HMBOX1: variants seen among roughly 807,000 people sequenced by gnomAD.
HMBOX1 encodes the protein homeobox-containing protein 1.
In HMBOX1, 14 loss-of-function variants were observed where a neutral mutation model predicts 54.5. The observed-to-expected ratio is 0.26, with a 90% CI of 0.17 to 0.40. HMBOX1 has a LOEUF of 0.40. HMBOX1 is among the 10% of genes least tolerant of loss of function. The pLI is 1.00. For missense variants in HMBOX1, 332 were observed against 514.4 expected, an observed-to-expected ratio of 0.65 and a Z score of 3.43; for synonymous variants, 160 against 181.0, an observed-to-expected ratio of 0.88 and a Z score of 0.93.
intron 4 of HMBOX1, among the ~76,000 whole-genome samples, chr8:28,987,207 A>G (rs1035144250): frequency 8.5e-5 from 13 of 152,162 alleles, no homozygotes; most frequent in Non-Finnish European, 1.6e-4. Context: ...TTAGGCACAG[A>G]TGTGGTTTTT....
At chr8:28,953,399 G>A (rs530337154) in intron 1 of HMBOX1, among the ~76,000 whole-genome samples, 1 of 152,176 alleles carries the variant, frequency 6.6e-6, no homozygotes, top group Admixed American at 6.5e-5. Flanking sequence ...TTCCTAAAAG[G>A]TAAACTTGTC....
intron 6 of HMBOX1, among the ~76,000 whole-genome samples, chr8:29,036,152 A>T (rs940636011): frequency 1.3e-5 from 2 of 152,218 alleles, no homozygotes; most frequent in Non-Finnish European, 2.9e-5. Context: ...AGTGGGGTCT[A>T]GTGGCAATTA....
chr8:28,973,576 C>G (rs1017590602), intron 3 of HMBOX1, among the ~76,000 whole-genome samples: 4 of 152,096 alleles, frequency 2.6e-5, no homozygotes, highest in African/African-American at 9.6e-5. Flanking sequence ...ATATACTGCC[C>G]TTGCTGATCA....
chr8:28,931,538 T>C (rs1298154374), intron 1 of HMBOX1, among the ~76,000 whole-genome samples: 1 of 152,152 alleles, frequency 6.6e-6, no homozygotes, highest in African/African-American at 2.4e-5. Flanking sequence ...ATACCTTATC[T>C]TGGTGGTGGT....
chr8:29,040,948 T>C (rs1477579137), intron 6 of HMBOX1, among the ~76,000 whole-genome samples: 1 of 152,176 alleles, frequency 6.6e-6, no homozygotes, highest in African/African-American at 2.4e-5. Flanking sequence ...AGAGATAGCA[T>C]GGCTTTATCT....
intron 6 of HMBOX1, among the ~76,000 whole-genome samples, chr8:29,033,027 C>A (rs1803257078): frequency 6.6e-6 from 1 of 152,064 alleles, no homozygotes; most frequent in Non-Finnish European, 1.5e-5. Flanking sequence ...AACATTATAT[C>A]ATTCTCATCC....
chr8:28,899,343 A>C (rs899581273), intron 1 of HMBOX1, among the ~76,000 whole-genome samples: 1 of 152,212 alleles, frequency 6.6e-6, no homozygotes, highest in African/African-American at 2.4e-5. Flanking sequence ...TCAAGTAGAC[A>C]TTCTTTTGTC....
chr8:28,896,390 A>AGGAGCAATAGGCTATACCACCTAGGC lies in HMBOX1; in HGVS notation c.-58+5712_-58+5713insGGAGCAATAGGCTATACCACCTAGGC, dbSNP rs1258063517. On this transcript the variant is annotated intron_variant, in intron 1 of 9. Transcript: ENST00000287701. ...ATGCCATTTTATCACAGGTGTGTAGATTGCATAATCACCACCAAAATCAAG... is the reference window on the plus strand; with the variant it reads ...ATGCCATTTTATCACAGGTGTGTAGAGGAGCAATAGGCTATACCACCTAGGCTTGCATAATCACCACCAAAATCAAG... 3.0e-4 allele frequency among the ~76,000 whole-genome samples: 38 copies of AGGAGCAATAGGCTATACCACCTAGGC among 124,632 alleles called. 1 individual carries two copies. Among genetic ancestry groups the AGGAGCAATAGGCTATACCACCTAGGC allele is most frequent in the Non-Finnish European group, 5.5e-4 (28 of 50,472 alleles). 81.8% of individuals were successfully genotyped at this position (124,632 alleles called of 152,430 possible).
At chr8:28,940,397 CTCTCCCACATTA>C (rs1821165196) in intron 1 of HMBOX1, among the ~76,000 whole-genome samples, 1 of 152,202 alleles carries the variant, frequency 6.6e-6, no homozygotes, top group Admixed American at 6.5e-5. Context: ...ACAAAGTCAA[CTCTCCCACATTA>C]TATGCTCTCA....
chr8:28,987,062 A>C (rs1032919985), intron 4 of HMBOX1, among the ~76,000 whole-genome samples: 3 of 152,184 alleles, frequency 2.0e-5, no homozygotes, highest in Non-Finnish European at 4.4e-5. Flanking sequence ...ATAGGAGTCT[A>C]CATTTTTGGT....
Position 29,052,638 on chromosome 8 carries a change from A to G in HMBOX1, c.*1483A>G, listed in dbSNP as rs1428977477. The G allele has an allele frequency of 2.0e-5, 3 of 152,170 alleles. No homozygotes were observed. Among genetic ancestry groups the G allele is most frequent in the African/African-American group, 7.2e-5 (3 of 41,426 alleles). The allele number at this position is 152,170 out of a possible 1,614,324, so 9.4% of individuals were successfully genotyped here. Reference sequence around the variant, plus strand: ...CTAGTAGCAAAATGATGAACTATTCATGCATCAAAGAAAATTACATCTGCT... The same window carrying G: ...CTAGTAGCAAAATGATGAACTATTCGTGCATCAAAGAAAATTACATCTGCT... On this transcript the variant is annotated 3_prime_UTR_variant, in exon 10 of 10. Coordinates refer to ENST00000287701, the MANE Select transcript of HMBOX1 (RefSeq NM_001135726.3).
chr8:28,941,176 A>T (rs1273426091), intron 1 of HMBOX1, among the ~76,000 whole-genome samples: 3 of 152,222 alleles, frequency 2.0e-5, no homozygotes. Flanking sequence ...TATCTTTTAC[A>T]AATGGCTCAT....
intron 4 of HMBOX1, among the ~76,000 whole-genome samples, chr8:28,997,478 T>C (rs528996597): frequency 6.6e-6 from 1 of 152,294 alleles, no homozygotes; most frequent in Non-Finnish European, 1.5e-5. Flanking sequence ...TTTATATTTA[T>C]ATATGTTGTT....
intron 6 of HMBOX1, among the ~76,000 whole-genome samples, chr8:29,028,873 T>C (rs755723540): frequency 1.1e-4 from 17 of 152,242 alleles, no homozygotes; most frequent in Non-Finnish European, 2.4e-4. Flanking sequence ...TAACCTGCCC[T>C]ATTTTCCTAG....
chr8:28,926,667 A>C (rs537166693), intron 1 of HMBOX1, among the ~76,000 whole-genome samples: 1 of 152,132 alleles, frequency 6.6e-6, no homozygotes, highest in Non-Finnish European at 1.5e-5. Flanking sequence ...TCCTGGGCTC[A>C]AGTGACCCTC....
intron 4 of HMBOX1, among the ~76,000 whole-genome samples, chr8:28,997,927 GTGT>G (rs1832106299): frequency 6.6e-6 from 1 of 152,196 alleles, no homozygotes; most frequent in Non-Finnish European, 1.5e-5. Flanking sequence ...TGAGTCAGAA[GTGT>G]TTTTTCCTTT....
At chr8:28,978,459 T>G (rs1338717862) in intron 3 of HMBOX1, among the ~76,000 whole-genome samples, 1 of 152,120 alleles carries the variant, frequency 6.6e-6, no homozygotes, top group Non-Finnish European at 1.5e-5. Context: ...TTTTAGACTT[T>G]GTGGCCAAGA....
intron 1 of HMBOX1, among the ~76,000 whole-genome samples, chr8:28,953,618 A>G (rs1449776590): frequency 6.6e-6 from 1 of 150,818 alleles, no homozygotes; most frequent in Non-Finnish European, 1.5e-5. Context: ...ACCACTTTTT[A>G]AGTTTCTATG....
Position 29,035,977 on chromosome 8 carries a change from GACTC to G in HMBOX1, c.852-9381_852-9378del, listed in dbSNP as rs527709331. On this transcript the variant is annotated intron_variant, in intron 6 of 9. Transcript: ENST00000287701. Reference sequence around the variant, plus strand: ...AAAACCAATTGTTACATAGTAATAAGACTCACACCAAACCTCTAATATGGTAAGC... The same window carrying G: ...AAAACCAATTGTTACATAGTAATAAGACACCAAACCTCTAATATGGTAAGC... 3.3e-5 allele frequency among the ~76,000 whole-genome samples: 5 copies of G among 152,162 alleles called. No homozygotes were observed. In the South Asian group the frequency reaches 1.0e-3, roughly 32 times the overall value.
Sources: allele counts gnomAD v4.1 joint callset (sites outside exome capture counted in the v4.1 genomes callset), GRCh38; gene constraint gnomAD v4.1.1; transcripts MANE v1.5; gene names NCBI Gene and HGNC (gene_info 2026-07-23, HGNC 2026-07-21).